FAM227A: variants seen among roughly 807,000 people sequenced by gnomAD.
FAM227A encodes the protein family with sequence similarity 227 member A.
Under a neutral mutation model 74.7 loss-of-function variants are expected in FAM227A, and 80 were observed. The observed-to-expected ratio is 1.07, with a 90% CI of 0.89 to 1.29. The LOEUF (loss-of-function observed/expected upper bound fraction) is 1.29. Among genes scored for constraint, FAM227A ranks in the 50% most tolerant of loss-of-function variants. The pLI, the probability that FAM227A is intolerant of heterozygous loss-of-function variation, is 0.00. For synonymous variants in FAM227A, 237 were observed against 241.8 expected (o/e 0.98, Z 0.19); for missense variants, 654 against 683.4 (o/e 0.96, Z 0.48).
At position 38,633,914 on chromosome 22, in the gene FAM227A, G is replaced by A. The variant is rs549868195; in HGVS notation, c.519+2537C>T. Among the ~76,000 whole-genome samples, 14 of 152,180 alleles carry A rather than the reference G, an allele frequency of 9.2e-5. No homozygotes were observed. The South Asian group carries it at 2.7e-3, about 29-fold the overall frequency. ...TTTCATTTAAAATTTTCCCACGTGT[G>A]CACTTACATAGATTGAATTATTGGC... On this transcript the variant is annotated intron_variant, in intron 6 of 16. Transcript: ENST00000535113.
At chr22:38,588,360 T>C (rs1387491418) in intron 16 of FAM227A, among the ~76,000 whole-genome samples, 1 of 152,138 alleles carries the variant, frequency 6.6e-6, no homozygotes, top group African/African-American at 2.4e-5. Flanking sequence ...GGCTCATGCC[T>C]GTAATCCCAG....
rs1295062724 is a variant in FAM227A, at chr22:38,578,725, G to C, written c.*7400C>G. 4 of 152,294 alleles carry C rather than the reference G, an allele frequency of 2.6e-5. No individual in the cohort carries two copies. Among genetic ancestry groups the C allele is most frequent in the Non-Finnish European group, 5.9e-5 (4 of 68,102 alleles). 9.4% of individuals were successfully genotyped at this position (152,294 alleles called of 1,614,324 possible). A position where few individuals can be genotyped will look rare whatever the true frequency, so the allele number is the denominator to read the frequency against. ...GATGGTGGCCCTTAGCTTGGGGCTG[G>C]ATCAGTGAGGATTTGTCAATCGGGC... On this transcript the variant is annotated 3_prime_UTR_variant, in exon 17 of 17. Coordinates refer to ENST00000535113, the MANE Select transcript of FAM227A (RefSeq NM_001013647.2).
chr22:38,614,501 C>G (rs984093261), intron 11 of FAM227A, among the ~76,000 whole-genome samples: 3 of 152,150 alleles, frequency 2.0e-5, no homozygotes, highest in Admixed American at 6.5e-5. Flanking sequence ...AACTCATTCC[C>G]CTGAATTGTG....
At chr22:38,634,272 G>A (rs949839304) in intron 6 of FAM227A, among the ~76,000 whole-genome samples, 10 of 147,404 alleles carry the variant, frequency 6.8e-5, no homozygotes, top group Non-Finnish European at 1.3e-4. Context: ...TTTCCATACT[G>A]ATACTTTTCA....
intron 14 of FAM227A, among the ~76,000 whole-genome samples, 196 bp downstream of exon 14, chr22:38,599,568 A>G (rs768794167): frequency 2.0e-5 from 3 of 152,166 alleles, no homozygotes; most frequent in Non-Finnish European, 4.4e-5. Context: ...CCAGTTCACG[A>G]GGCTGGCTCT....
At chr22:38,645,284 G>A (rs375936705) in intron 3 of FAM227A, among the ~76,000 whole-genome samples, 98 of 152,080 alleles carry the variant, frequency 6.4e-4, no homozygotes, top group South Asian at 3.7e-3. Context: ...CCAGCTGCTC[G>A]GGAGGCTGAG....
chr22:38,605,517 T>C (rs1298944801), intron 12 of FAM227A, among the ~76,000 whole-genome samples, 169 bp from the exon 13 acceptor site: 1 of 152,208 alleles, frequency 6.6e-6, no homozygotes, highest in Admixed American at 6.5e-5. Context: ...CTCAAACTCC[T>C]GGACTCAAGT....
At position 38,649,456 on chromosome 22, in the gene FAM227A, C is replaced by T. The variant is rs144640040; in HGVS notation, c.142+571G>A. On this transcript the variant is annotated intron_variant, in intron 2 of 16. Transcript: ENST00000535113. ...TGACAGGCGCCTGTAATCCCAGCTA[C>T]TCGGGAGGCTGAGGCAGGAGAATCA... is the stretch of plus-strand genomic sequence containing the variant. Among the ~76,000 whole-genome samples, 300 of 151,488 alleles carry T rather than the reference C, an allele frequency of 2.0e-3. 1 individual carries two copies. The highest frequency in any genetic ancestry group is 3.9e-3 in the Admixed American group (59 of 15,178).
At chr22:38,634,353 A>G (rs898385839) in intron 6 of FAM227A, among the ~76,000 whole-genome samples, 2 of 152,060 alleles carry the variant, frequency 1.3e-5, no homozygotes, top group African/African-American at 4.8e-5. Flanking sequence ...ACATTTTATC[A>G]TGGCTACACA....
At chr22:38,617,949 A>G (rs1054547192) in intron 11 of FAM227A, among the ~76,000 whole-genome samples, 16 of 152,182 alleles carry the variant, frequency 1.1e-4, no homozygotes, top group African/African-American at 3.4e-4. Flanking sequence ...CCTGTCTCTA[A>G]AAGAATAAAC....
At chr22:38,645,273 C>A (rs1347001907) in intron 3 of FAM227A, among the ~76,000 whole-genome samples, 2 of 151,974 alleles carry the variant, frequency 1.3e-5, no homozygotes, top group East Asian at 3.8e-4. Context: ...CACCTGTAGT[C>A]CCAGCTGCTC....
Position 38,628,350 on chromosome 22 carries a change from G to C in FAM227A, c.622-8C>G. The C allele has an allele frequency of 3.9e-6, 6 of 1,532,256 alleles. No homozygotes were observed. Among genetic ancestry groups the C allele is most frequent in the Non-Finnish European group, 5.3e-6 (6 of 1,130,006 alleles). 94.9% of individuals were successfully genotyped at this position (1,532,256 alleles called of 1,614,324 possible). A position where few individuals can be genotyped will look rare whatever the true frequency, so the allele number is the denominator to read the frequency against. Reference sequence around the variant, plus strand: ...CTGGAGCTCCTTGTTTGGCTGCCAGGAATAGAAATGAAAAAGGAATTACTA... The same window carrying C: ...CTGGAGCTCCTTGTTTGGCTGCCAGCAATAGAAATGAAAAAGGAATTACTA... On this transcript the variant is annotated splice_region_variant and splice_polypyrimidine_tract_variant and intron_variant, in intron 7 of 16. Coordinates refer to ENST00000535113, the MANE Select transcript of FAM227A (RefSeq NM_001013647.2).
At chr22:38,652,039 A>G (rs1183887836) in intron 1 of FAM227A, among the ~76,000 whole-genome samples, 11 of 151,754 alleles carry the variant, frequency 7.2e-5, no homozygotes, top group African/African-American at 2.4e-4. Context: ...TACAAAAATT[A>G]GCTGGGCATG....
intron 8 of FAM227A, 69 bp downstream of exon 8, chr22:38,628,169 A>G: frequency 1.1e-6 from 1 of 932,904 alleles, no homozygotes; most frequent in Non-Finnish European, 1.7e-6. Context: ...TGTTTAAGAC[A>G]TTCTCTTGGC....
chr22:38,587,157 A>T (rs1265648352), intron 16 of FAM227A, among the ~76,000 whole-genome samples: 2 of 152,016 alleles, frequency 1.3e-5, no homozygotes, highest in Admixed American at 1.3e-4. Flanking sequence ...ATAAATGCCT[A>T]TGTTTTAAAA....
intron 3 of FAM227A, among the ~76,000 whole-genome samples, chr22:38,645,155 G>A (rs2092208904): frequency 6.6e-6 from 1 of 151,954 alleles, no homozygotes; most frequent in African/African-American, 2.4e-5. Flanking sequence ...ACTTTGGGAG[G>A]CCAAGGCGGG....
At position 38,610,788 on chromosome 22, in the gene FAM227A, G is replaced by A. The variant is rs145698336; in HGVS notation, c.1039-3312C>T. Reference sequence around the variant, plus strand: ...TTAGAAAGTACTTTCCTGGGCCGGCGCGGTGGCTCACGCCTGCAATCCTGG... The same window carrying A: ...TTAGAAAGTACTTTCCTGGGCCGGCACGGTGGCTCACGCCTGCAATCCTGG... On this transcript the variant is annotated intron_variant, in intron 11 of 16. Transcript: ENST00000535113. 1.8e-4 allele frequency among the ~76,000 whole-genome samples: 27 copies of A among 152,254 alleles called. No individual in the cohort carries two copies. In the East Asian group the frequency reaches 5.0e-3, roughly 28 times the overall value.
chr22:38,600,281 GT>G (rs1261063888), intron 13 of FAM227A, among the ~76,000 whole-genome samples: 1 of 150,952 alleles, frequency 6.6e-6, no homozygotes, highest in Admixed American at 6.6e-5. Flanking sequence ...AAGTTTGATA[GT>G]GTTTTTTATA....
rs1168612600 is a variant in FAM227A, at chr22:38,599,978, T to C, written c.1222-57A>G. The stretch of plus-strand genomic sequence containing the variant: ...ATATTGTCATTTTTACAGTCTGTAT[T>C]AAGAACCAGAAAGGCATCAAAGCAC... On this transcript the variant is annotated intron_variant, in intron 13 of 16. Coordinates refer to ENST00000535113, the MANE Select transcript of FAM227A (RefSeq NM_001013647.2). 19 of 1,449,848 alleles carry C rather than the reference T, an allele frequency of 1.3e-5. No individual in the cohort carries two copies. In the Middle Eastern group the frequency reaches 5.3e-4, roughly 41 times the overall value. 89.8% of individuals were successfully genotyped at this position (1,449,848 alleles called of 1,614,324 possible). A position where few individuals can be genotyped will look rare whatever the true frequency, so the allele number is the denominator to read the frequency against.
Sources: allele counts gnomAD v4.1 joint callset (sites outside exome capture counted in the v4.1 genomes callset), GRCh38; gene constraint gnomAD v4.1.1; transcripts MANE v1.5; gene names NCBI Gene and HGNC (gene_info 2026-07-23, HGNC 2026-07-21).